Variants in ROBO2 observed in about 807,000 individuals in gnomAD.
ROBO2 encodes the protein roundabout guidance receptor 2.
A neutral mutation model predicts 160.8 loss-of-function variants in ROBO2; 53 were observed. That is an observed-to-expected ratio of 0.33 (90% CI 0.26 to 0.41). The LOEUF (loss-of-function observed/expected upper bound fraction) is 0.41. ROBO2 is among the 10% of genes least tolerant of loss of function. The probability of loss-of-function intolerance (pLI) is 1.00; values close to 1 mark genes in which losing one functional copy is unlikely to be tolerated. For missense variants in ROBO2, 1,577 were observed against 1,722.4 expected (o/e 0.92, Z 1.49); for synonymous variants, 664 against 611.7 (o/e 1.09, Z -1.26).
rs1462830369 is a variant in ROBO2 at position 76,548,048 on chromosome 3, C to T, written c.110-549966C>T. The stretch of plus-strand genomic sequence containing the variant: ...GCATGCCATATTCCTAAATCAATCA[C>T]CTTTTCACTTGCACAGAATGGTGCA... On this transcript the variant is annotated intron_variant, in intron 2 of 26. Coordinates refer to the ROBO2 transcript ENST00000487694. 2.0e-5 allele frequency among the ~76,000 whole-genome samples: 3 copies of T among 152,232 alleles called. No individual in the cohort carries two copies. In the East Asian group the frequency reaches 5.8e-4, roughly 29 times the overall value.
chr3:75,938,478 G>C (rs2107032190), intron 2 of ROBO2, among the ~76,000 whole-genome samples: 1 of 152,038 alleles, frequency 6.6e-6, no homozygotes, highest in East Asian at 1.9e-4. Context: ...AAGTATATTT[G>C]GCATTTTTTC....
intron 1 of ROBO2, among the ~76,000 whole-genome samples, chr3:77,043,084 T>A: frequency 6.6e-6 from 1 of 152,180 alleles, no homozygotes; most frequent in East Asian, 1.9e-4. Flanking sequence ...TCCACGGGGA[T>A]GGTTGAAAAT....
intron 2 of ROBO2, among the ~76,000 whole-genome samples, chr3:76,211,341 A>G (rs1392907807): frequency 6.6e-6 from 1 of 152,094 alleles, no homozygotes; most frequent in Admixed American, 6.5e-5. Flanking sequence ...TTTGATTTGA[A>G]ATTTAAGAAC....
intron 2 of ROBO2, among the ~76,000 whole-genome samples, chr3:76,890,646 T>C (rs2074280035): frequency 6.6e-6 from 1 of 152,190 alleles, no homozygotes; most frequent in Non-Finnish European, 1.5e-5. Flanking sequence ...AATTTTTCTA[T>C]CGTATTTTAT....
rs76532541 is a variant in ROBO2, at chr3:76,630,543, G to A, written c.110-467471G>A. On this transcript the variant is annotated intron_variant, in intron 2 of 26. Coordinates refer to the ROBO2 transcript ENST00000487694. ...TTAACTCCTATTTATATCAATTACCGTATGGTAAAAATTGGTTTCAGTATA... is the reference window on the plus strand; with the variant it reads ...TTAACTCCTATTTATATCAATTACCATATGGTAAAAATTGGTTTCAGTATA... Among the ~76,000 whole-genome samples, 236 of 152,210 alleles carry A rather than the reference G, an allele frequency of 1.6e-3. 3 individuals carry two copies. The East Asian group carries it at 0.038, about 25-fold the overall frequency.
intron 2 of ROBO2, among the ~76,000 whole-genome samples, chr3:77,292,367 G>T (rs1195310331): frequency 6.6e-6 from 1 of 151,914 alleles, no homozygotes; most frequent in Non-Finnish European, 1.5e-5. Context: ...CGGTTAAATG[G>T]GTAAGCTGAG....
At chr3:77,011,089 T>TTTCTTTC (rs2061887050) in intron 2 of ROBO2, among the ~76,000 whole-genome samples, 5 of 91,114 alleles carry the variant, frequency 5.5e-5, no homozygotes, top group Admixed American at 2.6e-4. Flanking sequence ...TTCTTTCTTT[T>TTTCTTTC]TCTTTCTATC....
At chr3:76,132,976 A>G (rs1270742362) in intron 2 of ROBO2, among the ~76,000 whole-genome samples, 2 of 152,110 alleles carry the variant, frequency 1.3e-5, no homozygotes, top group Non-Finnish European at 2.9e-5. Context: ...TCCCTCATCT[A>G]TAAAGTGGGG....
rs530176703 is a variant in ROBO2, at chr3:77,055,660, G to A, written c.61+14814G>A. Among the ~76,000 whole-genome samples the A allele has an allele frequency of 3.3e-5, 5 of 152,188 alleles. No homozygotes were observed. In the South Asian group the frequency reaches 1.0e-3, roughly 32 times the overall value. On this transcript the variant is annotated intron_variant, in intron 1 of 25. Coordinates refer to ENST00000461745, the Ensembl canonical transcript of ROBO2. ...ATATAAACTTCCATGAATTGGATTG[G>A]ATTATAACTTGTGTGAAATAAATGT...
intron 5 of ROBO2, among the ~76,000 whole-genome samples, chr3:77,503,721 T>G (rs1314873102): frequency 6.6e-6 from 1 of 151,832 alleles, no homozygotes; most frequent in Admixed American, 6.6e-5. Context: ...AGGCTATATA[T>G]TTTCTACCCA....
At chr3:77,496,798 A>G (rs2086848853) in intron 5 of ROBO2, among the ~76,000 whole-genome samples, 2 of 152,136 alleles carry the variant, frequency 1.3e-5, no homozygotes, top group Admixed American at 1.3e-4. Context: ...TTCAACACAG[A>G]AGAAGATATC....
chr3:76,612,285 C>T (rs1224669312), intron 2 of ROBO2, among the ~76,000 whole-genome samples: 2 of 152,144 alleles, frequency 1.3e-5, no homozygotes, highest in Non-Finnish European at 2.9e-5. Flanking sequence ...GTCTATAGCG[C>T]AGATTAAATC....
chr3:77,027,389 C>T (rs2063035387), intron 2 of ROBO2, among the ~76,000 whole-genome samples: 1 of 152,078 alleles, frequency 6.6e-6, no homozygotes, highest in South Asian at 2.1e-4. Context: ...ACAGACCTGC[C>T]GTTGTGGGTA....
chr3:77,495,835 G>C (rs756886039), intron 5 of ROBO2, among the ~76,000 whole-genome samples: 3 of 152,234 alleles, frequency 2.0e-5, no homozygotes, highest in East Asian at 3.9e-4. Context: ...AGAATTGTAA[G>C]TGTGCATTGC....
chr3:77,511,286 C>T (rs1344809427), intron 5 of ROBO2, among the ~76,000 whole-genome samples: 2 of 151,922 alleles, frequency 1.3e-5, no homozygotes, highest in Non-Finnish European at 2.9e-5. Context: ...CCACAGGCTA[C>T]ACTGGTTAAA....
Position 76,787,752 on chromosome 3 carries a change from A to G in ROBO2, c.110-310262A>G, listed in dbSNP as rs1239994550. 2.7e-4 allele frequency among the ~76,000 whole-genome samples: 41 copies of G among 151,502 alleles called. No homozygotes were observed. The Admixed American group carries it at 2.7e-3, about 10-fold the overall frequency. On this transcript the variant is annotated intron_variant, in intron 2 of 26. Coordinates refer to the ROBO2 transcript ENST00000487694. ...ATGTAAAATAAATATATTTTAAAAG[A>G]CCAAAATATCAACAATTATCAAGGT...
In ROBO2 at chr3:77,080,729, T is replaced by C. The variant is rs571028571; in HGVS notation, c.62-17285T>C. 2.7e-4 allele frequency among the ~76,000 whole-genome samples: 41 copies of C among 152,282 alleles called. No homozygotes were observed. The South Asian group carries it at 5.2e-3, about 19-fold the overall frequency. On this transcript the variant is annotated intron_variant, in intron 1 of 25. Coordinates refer to ENST00000461745, the Ensembl canonical transcript of ROBO2. ...ACAGTTGACGGTAAGGGTAGACCTGTGTCCTTTTCCTGATGCATACAACTG... is the reference window on the plus strand; with the variant it reads ...ACAGTTGACGGTAAGGGTAGACCTGCGTCCTTTTCCTGATGCATACAACTG...
At chr3:77,450,804 T>TTGTA (rs2081038330) in intron 2 of ROBO2, among the ~76,000 whole-genome samples, 1 of 152,042 alleles carries the variant, frequency 6.6e-6, no homozygotes, top group Admixed American at 6.6e-5. Context: ...TTGTTAGGTA[T>TTGTA]TGTATATGCA....
rs140010128 is a variant in ROBO2 at position 76,778,393 on chromosome 3, G to C, written c.110-319621G>C. ...GGTTATGTGTTTTAGTTCTGGATCA[G>C]GGCATTAAATTCTAAGTGTGAGATT... On this transcript the variant is annotated intron_variant, in intron 2 of 26. Transcript: ENST00000487694. Among the ~76,000 whole-genome samples the C allele has an allele frequency of 2.4e-3, 359 of 151,196 alleles. 1 individual carries two copies. The highest frequency in any genetic ancestry group is 8.3e-3 in the African/African-American group (343 of 41,386).
Sources: gnomAD v4.1 joint callset for allele counts (sites outside exome capture counted in the v4.1 genomes callset) on GRCh38, gnomAD v4.1.1 for gene constraint, MANE v1.5 for transcripts, NCBI Gene and HGNC (gene_info 2026-07-23, HGNC 2026-07-21) for gene names.